Variants in OSBPL3 observed in about 807,000 individuals in gnomAD.
OSBPL3 encodes oxysterol binding protein like 3, also known as oxysterol-binding protein-related protein 3.
OSBPL3 carries 65 observed loss-of-function variants against 120.1 expected under a neutral mutation model. That is an observed-to-expected ratio of 0.54 (90% CI 0.44 to 0.67). OSBPL3 has a LOEUF of 0.67. OSBPL3 is among the 30% of genes least tolerant of loss of function. OSBPL3 has a pLI of 0.00. For synonymous variants in OSBPL3, 416 were observed against 402.6 expected (o/e 1.03, Z -0.40); for missense variants, 1,004 against 1,082.1 (o/e 0.93, Z 1.01).
At chr7:24,882,779 A>G (rs1403757754) in intron 2 of OSBPL3, among the ~76,000 whole-genome samples, 1 of 151,444 alleles carries the variant, frequency 6.6e-6, no homozygotes, top group Non-Finnish European at 1.5e-5. Context: ...GACTTATATA[A>G]GATGATATCT....
At chr7:24,847,111 A>C (rs1798549526) in intron 12 of OSBPL3, among the ~76,000 whole-genome samples, 1 of 152,074 alleles carries the variant, frequency 6.6e-6, no homozygotes, top group Admixed American at 6.5e-5. Context: ...GTGAGCAAAG[A>C]AAGTGAGAGT....
intron 5 of OSBPL3, 41 bp downstream of exon 5, chr7:24,870,691 C>T: frequency 8.1e-7 from 1 of 1,232,908 alleles, no homozygotes; most frequent in East Asian, 2.3e-5. Context: ...ATGATACTTC[C>T]CCAACATAAG....
Position 24,872,184 on chromosome 7 carries a change from G to A in OSBPL3, c.97-115C>T, listed in dbSNP as rs1234775406. On this transcript the variant is annotated intron_variant, in intron 2 of 22. Transcript: ENST00000313367. The surrounding 1 kb of genome is among the most constrained non-coding windows in gnomAD (Gnocchi z 4.1). ...CAAGATGGGGAGGCTGGCTGGGTTT[G>A]TTGGGGAGAAGAAATCCAAATTTAA... 1.8e-4 allele frequency: 135 copies of A among 737,694 alleles called. No individual in the cohort carries two copies. Among genetic ancestry groups the A allele is most frequent in the Non-Finnish European group, 1.4e-5 (6 of 421,242 alleles). 45.7% of individuals were successfully genotyped at this position (737,694 alleles called of 1,614,324 possible).
intron 1 of OSBPL3, among the ~76,000 whole-genome samples, chr7:24,925,718 T>C (rs948608719): frequency 6.6e-6 from 1 of 152,206 alleles, no homozygotes; most frequent in African/African-American, 2.4e-5. Context: ...AATCACTGAA[T>C]TGTATACAAG....
rs2040691 is a variant in OSBPL3 at position 24,865,415 on chromosome 7, T to C, written c.600A>G (p.Ser200=). The change falls in exon 7 of 23, where the codon TCA becomes TCG. Residue 200 remains serine, a synonymous_variant. Transcript: ENST00000313367. The part of the protein sequence containing the change: ...QNLFQTGSNV[S]FSCGGETRVP... ...CTCGTGTCTCACCACCACAAGAAAA[T>C]GATACATTGCTTCCAGTTTGAAATA... The C allele has an allele frequency of 3.8e-4, 621 of 1,613,430 alleles. 4 individuals are homozygous for C. In the African/African-American group the frequency reaches 7.5e-3, roughly 20 times the overall value.
rs776010186 is a variant in OSBPL3 at position 24,918,017 on chromosome 7, A to G, written c.-149-25396T>C. 57 of 933,012 alleles carry G rather than the reference A, an allele frequency of 6.1e-5. No individual in the cohort carries two copies. The South Asian group carries it at 7.9e-4, about 13-fold the overall frequency. 57.8% of individuals were successfully genotyped at this position (933,012 alleles called of 1,614,324 possible). ...TCTAGCTTTCAAATTCAGTGATCCT[A>G]TGAGTCCATAAAATGACTAGCACTC... On this transcript the variant is annotated intron_variant, in intron 1 of 22. Coordinates refer to ENST00000313367, the MANE Select transcript of OSBPL3 (RefSeq NM_015550.4). The surrounding 1 kb of genome is among the most constrained non-coding windows in gnomAD (Gnocchi z 4.3).
intron 2 of OSBPL3, among the ~76,000 whole-genome samples, chr7:24,888,738 C>T (rs1804892925): frequency 6.6e-6 from 1 of 152,054 alleles, no homozygotes; most frequent in Admixed American, 6.5e-5. Context: ...ACACATAGCT[C>T]CTTGAGATTT....
chr7:24,892,804 G>T (rs1208296911), intron 1 of OSBPL3, among the ~76,000 whole-genome samples, 183 bp from the exon 2 acceptor site: 4 of 152,158 alleles, frequency 2.6e-5, no homozygotes, highest in African/African-American at 9.7e-5. Flanking sequence ...TGTATAGGTG[G>T]TTTTTCATGT....
chr7:24,838,967 G>A (rs771337713), intron 14 of OSBPL3, among the ~76,000 whole-genome samples: 1 of 152,156 alleles, frequency 6.6e-6, no homozygotes, highest in Non-Finnish European at 1.5e-5. Flanking sequence ...ACCACGATGA[G>A]CATCTTACTT....
At chr7:24,856,273 C>A (rs1449660853) in intron 10 of OSBPL3, among the ~76,000 whole-genome samples, 1 of 152,084 alleles carries the variant, frequency 6.6e-6, no homozygotes, top group African/African-American at 2.4e-5. Flanking sequence ...AAGCGTCGTA[C>A]AAGTGACTCT....
chr7:24,918,377 CT>C lies in OSBPL3; in HGVS notation c.-149-25757del, dbSNP rs1809978657. On this transcript the variant is annotated intron_variant, in intron 1 of 22. Transcript: ENST00000313367. This position sits in a 1 kb window ranked among gnomAD's most constrained non-coding sequence, Gnocchi z 4.3. ...TAAACTTTACTACTCACACTCAATC[CT>C]TCCTATTTCAGTCTGGAATTACCCC... 6.6e-6 allele frequency among the ~76,000 whole-genome samples: 1 copy of C among 152,198 alleles called. No individual in the cohort carries two copies.
At chr7:24,963,598 A>G (rs1816035263) in intron 1 of OSBPL3, among the ~76,000 whole-genome samples, 1 of 152,134 alleles carries the variant, frequency 6.6e-6, no homozygotes, top group African/African-American at 2.4e-5. Flanking sequence ...AGTACACTGA[A>G]CCAGACTCTG....
At position 24,862,471 on chromosome 7, in the gene OSBPL3, A is replaced by G. The variant is rs1365104239; in HGVS notation, c.871-702T>C. 6.6e-6 allele frequency among the ~76,000 whole-genome samples: 1 copy of G among 152,224 alleles called. No individual in the cohort carries two copies. Among genetic ancestry groups the G allele is most frequent in the East Asian group, 1.9e-4 (1 of 5,200 alleles). ...TTTCTTTGCACCTAGGGCTTCTACA[A>G]AACAAATGACCTTCATTTGTACATG... On this transcript the variant is annotated intron_variant, in intron 9 of 22. Coordinates refer to ENST00000313367, the MANE Select transcript of OSBPL3 (RefSeq NM_015550.4). The surrounding 1 kb of genome is among the most constrained non-coding windows in gnomAD (Gnocchi z 4.4).
chr7:24,828,632 A>AAAAAG (rs1562786124), intron 16 of OSBPL3, among the ~76,000 whole-genome samples: 9 of 148,412 alleles, frequency 6.1e-5, no homozygotes, highest in African/African-American at 2.2e-4. Flanking sequence ...GAAAAAAAAA[A>AAAAAG]AAAAGGCATC....
Position 24,840,751 on chromosome 7 carries a change from T to C in OSBPL3, c.1434A>G (p.Ile478Met). Reference protein sequence around the residue: ...ISDDDSYVSDISDNLSLDNLS... With the variant: ...ISDDDSYVSDMSDNLSLDNLS... ...GATTATCTAAGGAAAGATTATCACT[T>C]ATGTCACTGACATATGAGTCATCAT... is the stretch of plus-strand genomic sequence containing the variant. The change falls in exon 14 of 23, where the codon ATA becomes ATG. Residue 478 changes from isoleucine (I) to methionine (M), a missense_variant. By Grantham distance (10) the Ile-to-Met change is conservative. Coordinates refer to ENST00000313367, the MANE Select transcript of OSBPL3 (RefSeq NM_015550.4). 1 of 1,469,166 alleles carries C rather than the reference T, an allele frequency of 6.8e-7. No homozygotes were observed. Among genetic ancestry groups the C allele is most frequent in the South Asian group, 1.2e-5 (1 of 82,002 alleles). The allele number at this position is 1,469,166 out of a possible 1,614,324, so 91.0% of individuals were successfully genotyped here.
chr7:24,922,308 G>A lies in OSBPL3; in HGVS notation c.-149-29687C>T, dbSNP rs1272661419. Among the ~76,000 whole-genome samples the A allele has an allele frequency of 2.0e-5, 3 of 152,144 alleles. No homozygotes were observed. The highest frequency in any genetic ancestry group is 2.9e-5 in the Non-Finnish European group (2 of 68,022). On this transcript the variant is annotated intron_variant, in intron 1 of 22. Transcript: ENST00000313367. This position sits in a 1 kb window ranked among gnomAD's most constrained non-coding sequence, Gnocchi z 4.3. ...GGGACTGGGGAGAGCACAAACTTTC[G>A]TGTTAGAAAGGTGGCTTGTCCTTAC...
intron 1 of OSBPL3, among the ~76,000 whole-genome samples, chr7:24,892,976 A>G (rs1294378400): frequency 6.6e-6 from 1 of 152,224 alleles, no homozygotes; most frequent in East Asian, 1.9e-4. Flanking sequence ...CTAGTGTTGG[A>G]AAGAGTATGG....
intron 1 of OSBPL3, among the ~76,000 whole-genome samples, chr7:24,958,719 A>T (rs772297686): frequency 6.6e-6 from 1 of 152,204 alleles, no homozygotes; most frequent in Non-Finnish European, 1.5e-5. Flanking sequence ...TATTCAGCAC[A>T]TTCACTCAAT....
chr7:24,856,439 C>T (rs10486437), intron 10 of OSBPL3, among the ~76,000 whole-genome samples: 4,456 of 152,146 alleles, frequency 0.029, 133 homozygotes, highest in East Asian at 0.13. Flanking sequence ...TCTTAACATG[C>T]TCCTTCTTTA....
Sources: gnomAD v4.1 joint callset for allele counts (sites outside exome capture counted in the v4.1 genomes callset) on GRCh38, gnomAD v4.1.1 for gene constraint, Gnocchi (gnomAD v3.1) non-coding constraint, MANE v1.5 for transcripts, NCBI Gene and HGNC (gene_info 2026-07-23, HGNC 2026-07-21) for gene names.